The following TCN2 variants were observed in gnomAD, a reference collection of about 807,000 sequenced individuals.
TCN2 encodes transcobalamin 2, also known as transcobalamin-2.
Under a neutral mutation model 48.6 loss-of-function variants are expected in TCN2, and 34 were observed. The observed-to-expected ratio is 0.70, with a 90% CI of 0.53 to 0.93. TCN2 has a LOEUF of 0.93. TCN2 is among the 40% of genes least tolerant of loss of function. The probability of loss-of-function intolerance (pLI) is 0.00; values close to 1 mark genes in which losing one functional copy is unlikely to be tolerated. For missense variants in TCN2, 652 were observed against 526.1 expected, an observed-to-expected ratio of 1.24 and a Z score of -2.34; for synonymous variants, 283 against 212.5, an observed-to-expected ratio of 1.33 and a Z score of -2.89.
intron 1 of TCN2, among the ~76,000 whole-genome samples, chr22:30,607,861 T>C (rs558811988): frequency 1.7e-3 from 261 of 152,040 alleles, no homozygotes; most frequent in African/African-American, 5.9e-3. Flanking sequence ...ACCCCATCTC[T>C]ACAAAAAATA....
In TCN2 at chr22:30,607,402, A is replaced by G; in HGVS notation, c.64+7A>G. On this transcript the variant is annotated splice_region_variant and intron_variant, in intron 1 of 8. Coordinates refer to ENST00000215838, the MANE Select transcript of TCN2 (RefSeq NM_000355.4). ...GCCCTCACTGAGATGTGTGGTGAGT[A>G]ACTCGCCTCTATCCTGTGCCTCTTT... 6.2e-7 allele frequency: 1 copy of G among 1,614,096 alleles called. No homozygotes were observed. Among genetic ancestry groups the G allele is most frequent in the Non-Finnish European group, 8.5e-7 (1 of 1,180,006 alleles).
intron 6 of TCN2, 50 bp from the exon 7 acceptor site, chr22:30,617,280 C>T: frequency 1.2e-6 from 2 of 1,612,550 alleles, no homozygotes; most frequent in South Asian, 1.1e-5. Context: ...ACAAATAATC[C>T]AGGCTCTCTG....
intron 4 of TCN2, 71 bp from the exon 5 acceptor site, chr22:30,615,230 C>T: frequency 1.3e-6 from 2 of 1,536,800 alleles, no homozygotes; most frequent in East Asian, 2.2e-5. Context: ...AAGGGCCTGA[C>T]CCTCAAGCCC....
intron 1 of TCN2, among the ~76,000 whole-genome samples, chr22:30,610,654 G>A (rs2087523283): frequency 6.6e-6 from 1 of 152,172 alleles, no homozygotes; most frequent in Non-Finnish European, 1.5e-5. Flanking sequence ...CTCTCTTGCT[G>A]GCTCACTCCA....
intron 6 of TCN2, 61 bp downstream of exon 6, chr22:30,615,848 C>A (rs2087606328): frequency 1.3e-6 from 2 of 1,599,822 alleles, no homozygotes; most frequent in South Asian, 1.1e-5. Flanking sequence ...CATTGACGTC[C>A]CAGTGAGGGG....
rs542536541 is a variant in TCN2, at chr22:30,617,587, C to T, written c.1106+92C>T. 2.5e-4 allele frequency: 392 copies of T among 1,554,860 alleles called. 1 individual carries two copies. In the African/African-American group the frequency reaches 4.6e-3, roughly 18 times the overall value. The stretch of plus-strand genomic sequence containing the variant: ...GAGACGGGGAACAGAGGAGAGGGTT[C>T]CCTCGGGAGAGACACTGGCCCTGCT... On this transcript the variant is annotated intron_variant, in intron 7 of 8. Transcript: ENST00000215838.
intron 7 of TCN2, among the ~76,000 whole-genome samples, chr22:30,621,389 GT>G (rs2087696552): frequency 6.6e-6 from 1 of 152,156 alleles, no homozygotes; most frequent in South Asian, 2.1e-4. Context: ...AGATGCGTTT[GT>G]TCACATCACT....
chr22:30,623,849 T>TAC lies in TCN2; in HGVS notation c.1222+770_1222+771dup, dbSNP rs1291629424. On this transcript the variant is annotated intron_variant, in intron 8 of 8. Coordinates refer to ENST00000215838, the MANE Select transcript of TCN2 (RefSeq NM_000355.4). ...ACACACACATATACACACACATACATACACATACATACACACATATATACA... is the reference window on the plus strand; with the variant it reads ...ACACACACATATACACACACATACATACACACATACATACACACATATATACA... 8.8e-5 allele frequency among the ~76,000 whole-genome samples: 3 copies of TAC among 34,176 alleles called. 1 individual carries two copies. The highest frequency in any genetic ancestry group is 4.7e-4 in the African/African-American group (2 of 4,280). 22.4% of individuals were successfully genotyped at this position (34,176 alleles called of 152,430 possible). A position where few individuals can be genotyped will look rare whatever the true frequency, so the allele number is the denominator to read the frequency against.
chr22:30,623,755 T>C lies in TCN2; in HGVS notation c.1222+672T>C, dbSNP rs1216512879. On this transcript the variant is annotated intron_variant, in intron 8 of 8. Transcript: ENST00000215838. ...GTATACATATATATACACACATATA[T>C]ATGTATATATATATACACACATATA... is the stretch of plus-strand genomic sequence containing the variant. 1.6e-4 allele frequency among the ~76,000 whole-genome samples: 12 copies of C among 74,546 alleles called. 5 individuals are homozygous for C. Among genetic ancestry groups the C allele is most frequent in the African/African-American group, 3.8e-4 (5 of 13,080 alleles). 48.9% of individuals were successfully genotyped at this position (74,546 alleles called of 152,430 possible).
Position 30,608,990 on chromosome 22 carries a change from G to A in TCN2, c.64+1595G>A, listed in dbSNP as rs534477977. Among the ~76,000 whole-genome samples, 12 of 152,192 alleles carry A rather than the reference G, an allele frequency of 7.9e-5. 1 individual carries two copies. In the South Asian group the frequency reaches 2.5e-3, roughly 32 times the overall value. On this transcript the variant is annotated intron_variant, in intron 1 of 8. Coordinates refer to ENST00000215838, the MANE Select transcript of TCN2 (RefSeq NM_000355.4). ...AGCCTCATTCCTTTATCTGTAAAGT[G>A]GGCTAAGAATGCTCCCCTGCCTTCC...
Position 30,614,374 on chromosome 22 carries a change from C to A in TCN2, c.453C>A (p.His151Gln). The A allele has an allele frequency of 6.2e-7, 1 of 1,614,198 alleles. No individual in the cohort carries two copies. Among genetic ancestry groups the A allele is most frequent in the Non-Finnish European group, 8.5e-7 (1 of 1,180,024 alleles). The change falls in exon 4 of 9, where the codon CAC (histidine) becomes CAA (glutamine). Residue 151 changes from histidine to glutamine, a missense_variant. Coordinates refer to ENST00000215838, the MANE Select transcript of TCN2 (RefSeq NM_000355.4). ...GGCATGATCACAAGGGCCACCCCCA[C>A]ACTAGCTACTACCAGTATGGCCTGG... ...AIGHDHKGHP[H>Q]TSYYQYGLGI...
rs1268258226 is a variant in TCN2 at position 30,624,081 on chromosome 22, T to C, written c.1222+998T>C. ...ACACACATATATATATATATATATATTTTTTTTTTTTGAGATGGAGTCTTG... is the reference window on the plus strand; with the variant it reads ...ACACACATATATATATATATATATACTTTTTTTTTTTGAGATGGAGTCTTG... On this transcript the variant is annotated intron_variant, in intron 8 of 8. Coordinates refer to ENST00000215838, the MANE Select transcript of TCN2 (RefSeq NM_000355.4). 5.5e-5 allele frequency among the ~76,000 whole-genome samples: 3 copies of C among 54,722 alleles called. 1 individual carries two copies. The highest frequency in any genetic ancestry group is 1.0e-4 in the Non-Finnish European group (3 of 29,844). The allele number at this position is 54,722 out of a possible 152,430, so 35.9% of individuals were successfully genotyped here.
rs867209827 is a variant in TCN2, at chr22:30,626,319, A to G, written c.1223-141A>G. The G allele has an allele frequency of 5.1e-5, 43 of 837,766 alleles. No homozygotes were observed. The Middle Eastern group carries it at 2.4e-3, about 47-fold the overall frequency. 51.9% of individuals were successfully genotyped at this position (837,766 alleles called of 1,614,324 possible). On this transcript the variant is annotated intron_variant, in intron 8 of 8. Coordinates refer to ENST00000215838, the MANE Select transcript of TCN2 (RefSeq NM_000355.4). ...AGTTCAGAGTCTTTGAGCAGGCTTT[A>G]GGGAGGTTCCAGCTTCCCACCACCA...
At chr22:30,623,801 C>CATAT (rs1205361208) in intron 8 of TCN2, among the ~76,000 whole-genome samples, 71 of 4,176 alleles carry the variant, frequency 0.017, 23 homozygotes, top group South Asian at 0.071. Context: ...TATATACACA[C>CATAT]ATACACATAT....
rs2301957 is a variant in TCN2 at position 30,622,830 on chromosome 22, C to T, written c.1107-138C>T. On this transcript the variant is annotated intron_variant, in intron 7 of 8. Coordinates refer to ENST00000215838, the MANE Select transcript of TCN2 (RefSeq NM_000355.4). ...GGAAGTTGAGATCACAGACCTGTGG[C>T]CAGGTGGCCTGGGAAGGGTTTGACG... is the stretch of plus-strand genomic sequence containing the variant. 0.38 allele frequency: 311,150 copies of T among 827,208 alleles called. 61,310 individuals carry two copies. The highest frequency in any genetic ancestry group is 0.41 in the Non-Finnish European group (201,832 of 487,726). 51.2% of individuals were successfully genotyped at this position (827,208 alleles called of 1,614,324 possible). A position where few individuals can be genotyped will look rare whatever the true frequency, so the allele number is the denominator to read the frequency against.
chr22:30,624,684 G>T (rs1266815081), intron 8 of TCN2, among the ~76,000 whole-genome samples: 1 of 152,182 alleles, frequency 6.6e-6, no homozygotes, highest in Non-Finnish European at 1.5e-5. Context: ...CTGGGCAGTT[G>T]TAGCCTCTAT....
Position 30,626,635 on chromosome 22 carries a change from T to C in TCN2, c.*114T>C, listed in dbSNP as rs1310546841. The C allele has an allele frequency of 6.8e-6, 8 of 1,179,600 alleles. No homozygotes were observed. The highest frequency in any genetic ancestry group is 8.7e-6 in the Non-Finnish European group (7 of 804,306). The allele number at this position is 1,179,600 out of a possible 1,614,324, so 73.1% of individuals were successfully genotyped here. A position where few individuals can be genotyped will look rare whatever the true frequency, so the allele number is the denominator to read the frequency against. The stretch of plus-strand genomic sequence containing the variant: ...CCCTGCTGCCACCTCCTGTGCACTT[T>C]GAGCAATGCCCCCTGGGATCACCCC... On this transcript the variant is annotated 3_prime_UTR_variant, in exon 9 of 9. Transcript: ENST00000215838.
chr22:30,623,347 C>A (rs536268000), intron 8 of TCN2: 19 of 428,744 alleles, frequency 4.4e-5, no homozygotes, highest in African/African-American at 3.8e-4. Context: ...GATATACTAC[C>A]TAGGAATAAC....
chr22:30,618,159 A>C (rs1280163927), intron 7 of TCN2, among the ~76,000 whole-genome samples: 1 of 141,800 alleles, frequency 7.1e-6, no homozygotes, highest in East Asian at 2.1e-4. Flanking sequence ...TCTGTTGCCC[A>C]GGCTGGTCTC....
Sources: allele counts gnomAD v4.1 joint callset (sites outside exome capture counted in the v4.1 genomes callset), GRCh38; gene constraint gnomAD v4.1.1; transcripts MANE v1.5; gene names NCBI Gene and HGNC (gene_info 2026-07-23, HGNC 2026-07-21).